ADCY8: variants seen among roughly 807,000 people sequenced by gnomAD.
ADCY8 encodes the protein adenylate cyclase type 8.
Under a neutral mutation model 119.7 loss-of-function variants are expected in ADCY8, and 51 were observed. The ratio of observed to expected loss-of-function variants is 0.43; its 90% CI spans 0.34 to 0.54. The LOEUF is 0.54. ADCY8 is among the 20% of genes least tolerant of loss of function. ADCY8 has a pLI of 0.03. For missense variants in ADCY8, 1,383 were observed against 1,598.8 expected, an observed-to-expected ratio of 0.87 and a Z score of 2.30; for synonymous variants, 665 against 651.0, an observed-to-expected ratio of 1.02 and a Z score of -0.33.
Position 130,814,121 on chromosome 8 carries a change from A to G in ADCY8, c.2861T>C (p.Ile954Thr). ...ATGGCGGGCCACATGGCTGGGTAAG[A>G]TATTCCGGAGCATGTTCTCATTGTG... Reference protein sequence around the residue: ...REHNENMLRNILPSHVARHFL... With the variant: ...REHNENMLRNTLPSHVARHFL... Residue 954 changes from isoleucine (I) to threonine (T), a missense_variant, in exon 14 of 18, where the codon ATC (isoleucine) becomes ACC (threonine). Around this residue, in one of 2 missense-constraint regions of ADCY8, gnomAD observed 928 missense variants for 1,163.5 expected, o/e 0.80. Transcript: ENST00000286355. 1 of 1,614,088 alleles carries G rather than the reference A, an allele frequency of 6.2e-7. No individual in the cohort carries two copies. Among genetic ancestry groups the G allele is most frequent in the South Asian group, 1.1e-5 (1 of 91,060 alleles).
intron 1 of ADCY8, among the ~76,000 whole-genome samples, chr8:131,036,911 A>G (rs1021338359): frequency 2.0e-5 from 3 of 152,208 alleles, no homozygotes; most frequent in Admixed American, 1.3e-4. Flanking sequence ...TGTGGTAAGA[A>G]GTTAGGATTT....
chr8:130,981,049 A>G (rs911019319), intron 2 of ADCY8, among the ~76,000 whole-genome samples: 10 of 152,320 alleles, frequency 6.6e-5, no homozygotes, highest in African/African-American at 1.9e-4. Context: ...AAATCTGTTC[A>G]TGATAAGCAA....
chr8:131,022,231 G>A (rs1000632949), intron 1 of ADCY8, among the ~76,000 whole-genome samples: 4 of 152,082 alleles, frequency 2.6e-5, no homozygotes, highest in African/African-American at 4.8e-5. Flanking sequence ...CCATCAACCC[G>A]TCATCTACAT....
At chr8:131,018,838 G>A (rs1823561264) in intron 1 of ADCY8, among the ~76,000 whole-genome samples, 1 of 152,160 alleles carries the variant, frequency 6.6e-6, no homozygotes, top group African/African-American at 2.4e-5. Flanking sequence ...CATTTGAGAG[G>A]AAATATAGGA....
chr8:131,004,190 C>G (rs1428462352), intron 1 of ADCY8, among the ~76,000 whole-genome samples: 1 of 152,128 alleles, frequency 6.6e-6, no homozygotes, highest in Non-Finnish European at 1.5e-5. Flanking sequence ...GAGCAAAGAA[C>G]AGGCAAAGTA....
intron 11 of ADCY8, among the ~76,000 whole-genome samples, chr8:130,838,819 T>C (rs1418961084): frequency 7.1e-6 from 1 of 141,112 alleles, no homozygotes; most frequent in Non-Finnish European, 1.6e-5. Context: ...TGGTCTAAAA[T>C]GTAAAGCAGA....
intron 8 of ADCY8, among the ~76,000 whole-genome samples, chr8:130,875,901 A>C (rs1818544430): frequency 1.3e-5 from 2 of 152,232 alleles, no homozygotes; most frequent in African/African-American, 2.4e-5. Context: ...AAAAGAAATA[A>C]CATTAAATGA....
intron 11 of ADCY8, among the ~76,000 whole-genome samples, chr8:130,845,018 T>G (rs1044116191): frequency 6.6e-6 from 1 of 152,222 alleles, no homozygotes; most frequent in Non-Finnish European, 1.5e-5. Flanking sequence ...AGACATTTAA[T>G]GAGCAGATAC....
chr8:130,834,831 T>A (rs1272833646), intron 12 of ADCY8, among the ~76,000 whole-genome samples: 1 of 152,196 alleles, frequency 6.6e-6, no homozygotes, highest in Non-Finnish European at 1.5e-5. Flanking sequence ...TATATGTGCG[T>A]GTGTATATAT....
At chr8:131,023,716 T>C (rs1056267139) in intron 1 of ADCY8, among the ~76,000 whole-genome samples, 1 of 152,200 alleles carries the variant, frequency 6.6e-6, no homozygotes, top group African/African-American at 2.4e-5. Context: ...TGAGATAAGT[T>C]CCCAGTTTGA....
intron 15 of ADCY8, among the ~76,000 whole-genome samples, chr8:130,795,780 G>GGTGT (rs140027471): frequency 0.011 from 1,604 of 151,038 alleles, 32 homozygotes; most frequent in African/African-American, 0.037. Context: ...GCTTGGCTTT[G>GGTGT]GTGTGTGTGT....
chr8:130,992,394 TA>T (rs1822612494), intron 1 of ADCY8, among the ~76,000 whole-genome samples: 1 of 117,830 alleles, frequency 8.5e-6, no homozygotes, highest in African/African-American at 4.0e-5. Context: ...TATATATATA[TA>T]TATATATATA....
intron 5 of ADCY8, among the ~76,000 whole-genome samples, chr8:130,916,756 T>C (rs1037823903): frequency 1.3e-5 from 2 of 152,260 alleles, no homozygotes; most frequent in African/African-American, 2.4e-5. Flanking sequence ...ATTCGGCCCA[T>C]CCCTTCGTTT....
chr8:130,822,404 T>C, intron 12 of ADCY8, among the ~76,000 whole-genome samples: 1 of 151,896 alleles, frequency 6.6e-6, no homozygotes, highest in East Asian at 1.9e-4. Flanking sequence ...GAGGAGAGAG[T>C]GCTAACAGAG....
chr8:130,953,468 G>A (rs959805988), intron 2 of ADCY8, among the ~76,000 whole-genome samples: 1 of 152,150 alleles, frequency 6.6e-6, no homozygotes, highest in Admixed American at 6.5e-5. Context: ...GAGAGATTAA[G>A]TTACTTGCAC....
intron 7 of ADCY8, among the ~76,000 whole-genome samples, chr8:130,897,664 A>G: frequency 6.7e-6 from 1 of 150,232 alleles, no homozygotes. Context: ...CACATATATG[A>G]GAGGGTGAAT....
At chr8:130,800,041 A>T (rs16904362) in intron 15 of ADCY8, among the ~76,000 whole-genome samples, 1 of 152,158 alleles carries the variant, frequency 6.6e-6, no homozygotes, top group African/African-American at 2.4e-5. Context: ...GCAAATGGAC[A>T]GTTTTATCTT....
intron 9 of ADCY8, among the ~76,000 whole-genome samples, chr8:130,857,054 T>C (rs1035808953): frequency 1.4e-4 from 19 of 137,638 alleles, no homozygotes; most frequent in African/African-American, 4.9e-4. Context: ...ATTCCTGAAA[T>C]AGAACTTTGC....
At chr8:130,931,759 T>C (rs1372029983) in intron 5 of ADCY8, among the ~76,000 whole-genome samples, 1 of 152,202 alleles carries the variant, frequency 6.6e-6, no homozygotes, top group African/African-American at 2.4e-5. Context: ...TTGGTTATTA[T>C]ATTTTTTGGC....
Sources: allele counts gnomAD v4.1 joint callset (sites outside exome capture counted in the v4.1 genomes callset), GRCh38; gene constraint gnomAD v4.1.1; regional missense constraint gnomAD v4.1.1; transcripts MANE v1.5; gene names NCBI Gene and HGNC (gene_info 2026-07-23, HGNC 2026-07-21).